UBR4: variants seen among roughly 807,000 people sequenced by gnomAD.
The protein encoded by UBR4 is ubiquitin protein ligase E3 component n-recognin 4.
In UBR4, 124 loss-of-function variants were observed where a neutral mutation model predicts 575.6. The observed-to-expected ratio is 0.22, with a 90% confidence interval of 0.19 to 0.25. The LOEUF (loss-of-function observed/expected upper bound fraction) is 0.25. Among genes scored for constraint, UBR4 ranks in the 10% least tolerant of loss-of-function variants. The pLI is 1.00. For synonymous variants in UBR4, 2,455 were observed against 2,473.7 expected, an observed-to-expected ratio of 0.99 and a Z score of 0.22; for missense variants, 4,818 against 6,478.8, an observed-to-expected ratio of 0.74 and a Z score of 8.80.
intron 90 of UBR4, 119 bp from the exon 91 acceptor site, chr1:19,097,399 G>A (rs915415242): frequency 7.1e-6 from 5 of 700,892 alleles, no homozygotes; most frequent in Non-Finnish European, 1.1e-5. Flanking sequence ...TTTCTACAAA[G>A]TCTCAACCAC....
rs750306994 is a variant in UBR4, at chr1:19,144,813, C to T, written c.8040G>A (p.Lys2680=). 6.2e-7 allele frequency: 1 copy of T among 1,614,124 alleles called. No individual in the cohort carries two copies. The highest frequency in any genetic ancestry group is 1.1e-5 in the South Asian group (1 of 91,078). Residue 2680 remains lysine (K), a synonymous_variant, in exon 54 of 106, where the codon AAG becomes AAA. Transcript: ENST00000375254. ...CELDCINTAS[K]IYMQMLLCPD... is the part of the protein sequence containing the mutation. ...GACACAAGAGCATCTGCATGTAGAT[C>T]TTGGATGCTGTGTTAATACAATCCA...
At chr1:19,141,804 GA>G in intron 55 of UBR4, 27 bp from the exon 56 acceptor site, 1 of 1,611,496 alleles carries the variant, frequency 6.2e-7, no homozygotes. Flanking sequence ...CCAGTCACCT[GA>G]AGGTGCTTGC....
At position 19,115,188 on chromosome 1, in the gene UBR4, CGT is replaced by C. The variant is rs559373363; in HGVS notation, c.11063+208_11063+209del. Reference sequence around the variant, plus strand: ...ACCCCTGCCACAGGACAGACACACTCGTGTGCACATGCACACACACACACACA... The same window carrying C: ...ACCCCTGCCACAGGACAGACACACTCGTGCACATGCACACACACACACACA... On this transcript the variant is annotated intron_variant, in intron 74 of 105. Transcript: ENST00000375254. 4.6e-4 allele frequency among the ~76,000 whole-genome samples: 50 copies of C among 109,516 alleles called. No individual in the cohort carries two copies. In the East Asian group the frequency reaches 0.013, roughly 29 times the overall value. The allele number at this position is 109,516 out of a possible 152,430, so 71.8% of individuals were successfully genotyped here. A position where few individuals can be genotyped will look rare whatever the true frequency, so the allele number is the denominator to read the frequency against.
chr1:19,150,813 C>A lies in UBR4; in HGVS notation c.7214-20G>T, dbSNP rs1408932633. Reference sequence around the variant, plus strand: ...CCCCAACTGCAATAAGCAAGAGAGGCCTTTAGGAAGCACATTCTCTAAAAA... The same window carrying A: ...CCCCAACTGCAATAAGCAAGAGAGGACTTTAGGAAGCACATTCTCTAAAAA... On this transcript the variant is annotated intron_variant, in intron 48 of 105. Transcript: ENST00000375254. The A allele has an allele frequency of 6.2e-7, 1 of 1,611,638 alleles. No homozygotes were observed. Among genetic ancestry groups the A allele is most frequent in the African/African-American group, 1.3e-5 (1 of 74,784 alleles).
chr1:19,113,658 C>A, intron 77 of UBR4, 41 bp downstream of exon 77: 2 of 1,611,028 alleles, frequency 1.2e-6, no homozygotes, highest in Non-Finnish European at 1.7e-6. Context: ...ACCAGTAACA[C>A]TTGGACAAAA....
chr1:19,093,249 T>C lies in UBR4; in HGVS notation c.14111+64A>G, dbSNP rs1557538984. ...GTGAAGCTTTATGCCAAGATGCTGA[T>C]GGAGAAGGAAAAGGAAAGGGCAAAG... On this transcript the variant is annotated intron_variant, in intron 96 of 105. Coordinates refer to ENST00000375254, the MANE Select transcript of UBR4 (RefSeq NM_020765.3). This position sits in a 1 kb window ranked among gnomAD's most constrained non-coding sequence, Gnocchi z 4.8. 4 of 1,567,236 alleles carry C rather than the reference T, an allele frequency of 2.6e-6. No homozygotes were observed. The highest frequency in any genetic ancestry group is 3.5e-6 in the Non-Finnish European group (4 of 1,153,552).
At chr1:19,105,911 G>T in intron 83 of UBR4, 69 bp from the exon 84 acceptor site, 1 of 1,190,852 alleles carries the variant, frequency 8.4e-7, no homozygotes, top group East Asian at 2.8e-5. Context: ...CCCCAGCAGG[G>T]CAGTCAACTG....
intron 67 of UBR4, 92 bp downstream of exon 67, chr1:19,121,842 T>A: frequency 7.2e-7 from 1 of 1,383,242 alleles, no homozygotes; most frequent in Non-Finnish European, 1.0e-6. Flanking sequence ...CAGCTATATC[T>A]CCAGCATCCA....
chr1:19,095,710 G>T (rs2077968690), intron 92 of UBR4, 58 bp from the exon 93 acceptor site: 1 of 1,521,844 alleles, frequency 6.6e-7, no homozygotes, highest in Non-Finnish European at 9.1e-7. Flanking sequence ...GGACATGGGG[G>T]CCAGTAGGAA....
chr1:19,174,494 T>C, intron 21 of UBR4, 47 bp from the exon 22 acceptor site: 1 of 1,593,488 alleles, frequency 6.3e-7, no homozygotes, highest in Non-Finnish European at 8.5e-7. Flanking sequence ...TTTAAAGTAT[T>C]TTTTCCTACT....
At chr1:19,165,147 G>A (rs765257401) in intron 31 of UBR4, 102 bp downstream of exon 31, 121 of 1,469,914 alleles carry the variant, frequency 8.2e-5, no homozygotes, top group East Asian at 1.1e-4. Context: ...CTCTCCACTC[G>A]TTAGCATTTT....
Position 19,074,571 on chromosome 1 carries a change from T to C in UBR4, c.*261A>G, listed in dbSNP as rs1375678399. The C allele has an allele frequency of 1.0e-4, 55 of 528,670 alleles. 1 individual carries two copies. The South Asian group carries it at 1.2e-3, about 12-fold the overall frequency. 32.7% of individuals were successfully genotyped at this position (528,670 alleles called of 1,614,324 possible). A position where few individuals can be genotyped will look rare whatever the true frequency, so the allele number is the denominator to read the frequency against. On this transcript the variant is annotated 3_prime_UTR_variant, in exon 106 of 106. Coordinates refer to ENST00000375254, the MANE Select transcript of UBR4 (RefSeq NM_020765.3). ...AGATGTGCACACTCAAGTATGAAGC[T>C]GGCCGGGACAACTCATGGCTCCTAG...
chr1:19,128,418 C>T (rs2082052323), intron 61 of UBR4, 100 bp from the exon 62 acceptor site: 1 of 977,974 alleles, frequency 1.0e-6, no homozygotes, highest in African/African-American at 1.6e-5. Flanking sequence ...CCTGACATCC[C>T]TATCAATCAT....
intron 1 of UBR4, among the ~76,000 whole-genome samples, chr1:19,207,866 G>C (rs2093087279): frequency 6.6e-6 from 1 of 152,120 alleles, no homozygotes; most frequent in Non-Finnish European, 1.5e-5. Context: ...TTTAAACACA[G>C]CCATGCCCAT....
At chr1:19,167,616 GACTTT>G (rs138104880) in intron 28 of UBR4, among the ~76,000 whole-genome samples, 2,989 of 152,250 alleles carry the variant, frequency 0.02, 40 homozygotes, top group South Asian at 0.056. Flanking sequence ...TACAATATAA[GACTTT>G]ACCTGTTACC....
chr1:19,162,304 C>A (rs996479293), intron 35 of UBR4, 116 bp downstream of exon 35: 61 of 1,300,368 alleles, frequency 4.7e-5, no homozygotes, highest in Admixed American at 7.4e-5. Context: ...CTGGCAGCAA[C>A]AAGGACTAGG....
At chr1:19,138,238 G>A in intron 59 of UBR4, 57 bp from the exon 60 acceptor site, 1 of 1,427,694 alleles carries the variant, frequency 7.0e-7, no homozygotes, top group Non-Finnish European at 9.3e-7. Flanking sequence ...AAGGAACCCA[G>A]TGCATTCTAA....
In UBR4 at chr1:19,089,052, T is replaced by G; in HGVS notation, c.14212-75A>C. On this transcript the variant is annotated intron_variant, in intron 97 of 105. Coordinates refer to ENST00000375254, the MANE Select transcript of UBR4 (RefSeq NM_020765.3). This position sits in a 1 kb window ranked among gnomAD's most constrained non-coding sequence, Gnocchi z 4.3. ...CCTTCTTCCCGGGAGCTTAAAGGTT[T>G]AGAAACTCAACCAGCATGCACCATC... is the stretch of plus-strand genomic sequence containing the variant. The G allele has an allele frequency of 4.1e-6, 6 of 1,474,568 alleles. No homozygotes were observed. Among genetic ancestry groups the G allele is most frequent in the Non-Finnish European group, 5.6e-6 (6 of 1,077,378 alleles). The allele number at this position is 1,474,568 out of a possible 1,614,324, so 91.3% of individuals were successfully genotyped here.
intron 60 of UBR4, among the ~76,000 whole-genome samples, chr1:19,137,462 C>T (rs1285840294): frequency 6.6e-6 from 1 of 152,186 alleles, no homozygotes; most frequent in Non-Finnish European, 1.5e-5. Flanking sequence ...CCATCTAGTA[C>T]TAAACCCCAA....
Sources: gnomAD v4.1 joint callset for allele counts (sites outside exome capture counted in the v4.1 genomes callset) on GRCh38, gnomAD v4.1.1 for gene constraint, Gnocchi (gnomAD v3.1) non-coding constraint, MANE v1.5 for transcripts, NCBI Gene and HGNC (gene_info 2026-07-23, HGNC 2026-07-21) for gene names.